The following PAG1 variants were observed in gnomAD, a reference collection of about 807,000 sequenced individuals.
PAG1 encodes the protein phosphoprotein associated with glycosphingolipid-enriched microdomains 1.
In PAG1, 23 loss-of-function variants were observed where a neutral mutation model predicts 31.7. The ratio of observed to expected loss-of-function variants is 0.73; its 90% CI spans 0.52 to 1.03. PAG1 has a LOEUF of 1.03. Among genes scored for constraint, PAG1 ranks in the 50% least tolerant of loss-of-function variants. PAG1 has a pLI of 0.00. For synonymous variants in PAG1, 214 were observed against 210.3 expected, an observed-to-expected ratio of 1.02 and a Z score of -0.15; for missense variants, 473 against 540.7, an observed-to-expected ratio of 0.87 and a Z score of 1.24.
chr8:81,066,264 A>G (rs1472169797), intron 2 of PAG1, among the ~76,000 whole-genome samples: 1 of 152,242 alleles, frequency 6.6e-6, no homozygotes, highest in African/African-American at 2.4e-5. Flanking sequence ...AGCATAGAAA[A>G]CAGAGGAGTA....
At chr8:81,074,227 G>A (rs1377724160) in intron 1 of PAG1, among the ~76,000 whole-genome samples, 1 of 152,210 alleles carries the variant, frequency 6.6e-6, no homozygotes, top group Non-Finnish European at 1.5e-5. Context: ...GCACAGTGAT[G>A]TGTGTTCCTT....
intron 2 of PAG1, among the ~76,000 whole-genome samples, chr8:81,043,364 TAGAGTTCAGTACAATACTTTAAAA>T (rs1283735348): frequency 6.6e-6 from 1 of 152,220 alleles, no homozygotes; most frequent in Admixed American, 6.5e-5. Flanking sequence ...TAAGCACTGT[TAGAGTTCAGTACAATACTTTAAAA>T]AGGTCTGGAA....
At chr8:81,079,931 G>C (rs1013050078) in intron 1 of PAG1, among the ~76,000 whole-genome samples, 8 of 151,784 alleles carry the variant, frequency 5.3e-5, no homozygotes, top group Admixed American at 1.3e-4. Flanking sequence ...CCCATGCCCG[G>C]ATAATTTTTA....
intron 1 of PAG1, among the ~76,000 whole-genome samples, chr8:81,082,847 T>C (rs1463112582): frequency 6.6e-6 from 1 of 152,178 alleles, no homozygotes; most frequent in African/African-American, 2.4e-5. Context: ...ATGATGGCTG[T>C]TTTAAAATCC....
intron 5 of PAG1, among the ~76,000 whole-genome samples, chr8:80,991,244 C>G (rs544458156): frequency 6.6e-6 from 1 of 152,292 alleles, no homozygotes; most frequent in African/African-American, 2.4e-5. Flanking sequence ...GTTATGACAG[C>G]ACTAGCAAAT....
chr8:81,074,874 C>T (rs763811305), intron 1 of PAG1, among the ~76,000 whole-genome samples: 3 of 152,220 alleles, frequency 2.0e-5, no homozygotes, highest in Admixed American at 6.5e-5. Flanking sequence ...CAAACAGCTC[C>T]ACTTTAAGTC....
chr8:80,969,111 C>T lies in PAG1; in HGVS notation c.*7433G>A, dbSNP rs1807023909. On this transcript the variant is annotated 3_prime_UTR_variant, in exon 9 of 9. Coordinates refer to ENST00000220597, the MANE Select transcript of PAG1 (RefSeq NM_018440.4). Reference sequence around the variant, plus strand: ...TGATGCTTTTCACATTGCTTCTCCTCAAGACATGAGCATTGCTGCAGGCAT... The same window carrying T: ...TGATGCTTTTCACATTGCTTCTCCTTAAGACATGAGCATTGCTGCAGGCAT... 2 of 152,222 alleles carry T rather than the reference C, an allele frequency of 1.3e-5. No homozygotes were observed. Among genetic ancestry groups the T allele is most frequent in the South Asian group, 4.1e-4 (2 of 4,836 alleles). 9.4% of individuals were successfully genotyped at this position (152,222 alleles called of 1,614,324 possible).
At position 80,976,557 on chromosome 8, in the gene PAG1, A is replaced by C; in HGVS notation, c.1286T>G (p.Ile429Ser). Residue 429 changes from isoleucine (I) to serine (S), a missense_variant, in exon 9 of 9, where the codon ATT becomes AGT. Transcript: ENST00000220597. ...SISDLQQGRD[I>S]TRL is the part of the protein sequence containing the mutation. ...TCTTCTGGGTTGCTAGAGCCTGGTA[A>C]TATCTCTGCCTTGCTGCAAGTCACT... 1 of 1,611,846 alleles carries C rather than the reference A, an allele frequency of 6.2e-7. No individual in the cohort carries two copies. Among genetic ancestry groups the C allele is most frequent in the Non-Finnish European group, 8.5e-7 (1 of 1,179,260 alleles).
At chr8:80,977,734 C>A (rs1246207057) in intron 8 of PAG1, among the ~76,000 whole-genome samples, 2 of 152,178 alleles carry the variant, frequency 1.3e-5, no homozygotes, top group East Asian at 1.9e-4. Flanking sequence ...TCCAAGCACA[C>A]CCCCACAGTC....
At chr8:81,036,491 A>C (rs1346695876) in intron 2 of PAG1, among the ~76,000 whole-genome samples, 1 of 152,202 alleles carries the variant, frequency 6.6e-6, no homozygotes, top group Non-Finnish European at 1.5e-5. Context: ...GATCAACCTC[A>C]AAGTACAGAT....
intron 1 of PAG1, among the ~76,000 whole-genome samples, chr8:81,106,671 T>C (rs769841871): frequency 3.9e-5 from 6 of 152,194 alleles, no homozygotes; most frequent in African/African-American, 9.7e-5. Context: ...AATTAACTTA[T>C]TGAACAAATA....
intron 3 of PAG1, among the ~76,000 whole-genome samples, chr8:81,011,011 C>T (rs1385940923): frequency 2.0e-5 from 3 of 152,180 alleles, no homozygotes; most frequent in Non-Finnish European, 2.9e-5. Context: ...CTATGACCAA[C>T]CATTCTGAAA....
chr8:81,057,478 C>A (rs1454723270), intron 2 of PAG1, among the ~76,000 whole-genome samples: 6 of 150,642 alleles, frequency 4.0e-5, no homozygotes, highest in Non-Finnish European at 7.4e-5. Flanking sequence ...GGACAAAAAA[C>A]CAAACACCAC....
At chr8:81,029,388 A>C (rs1871766) in intron 3 of PAG1, among the ~76,000 whole-genome samples, 67,859 of 145,796 alleles carry the variant, frequency 0.47, 18,453 homozygotes, top group Non-Finnish European at 0.62. Flanking sequence ...ACACACACAC[A>C]CCCCTCCCCA....
intron 1 of PAG1, among the ~76,000 whole-genome samples, chr8:81,074,991 A>G (rs1043953830): frequency 2.0e-5 from 3 of 152,194 alleles, no homozygotes; most frequent in Non-Finnish European, 4.4e-5. Context: ...AATTTCCCAA[A>G]GAACGCTGCC....
In PAG1 at chr8:81,056,729, TTAAAC is replaced by T. The variant is rs567538848; in HGVS notation, c.-175+13378_-175+13382del. Among the ~76,000 whole-genome samples the T allele has an allele frequency of 5.1e-3, 771 of 152,214 alleles. 7 individuals carry two copies. The highest frequency in any genetic ancestry group is 0.018 in the African/African-American group (737 of 41,504). On this transcript the variant is annotated intron_variant, in intron 2 of 8. Transcript: ENST00000220597. ...GCCAAAATTGACAAATGGGATCTAA[TTAAAC>T]TAAAGAGCTTCTGCAGAGCAAAAGA...
chr8:81,036,725 G>A (rs1808467522), intron 2 of PAG1, among the ~76,000 whole-genome samples: 1 of 152,164 alleles, frequency 6.6e-6, no homozygotes, highest in African/African-American at 2.4e-5. Flanking sequence ...GCTCCCTCAT[G>A]TTTCCTGGGG....
Position 80,969,610 on chromosome 8 carries a change from T to G in PAG1, c.*6934A>C, listed in dbSNP as rs1256582622. 2 of 152,254 alleles carry G rather than the reference T, an allele frequency of 1.3e-5. No homozygotes were observed. Among genetic ancestry groups the G allele is most frequent in the Non-Finnish European group, 2.9e-5 (2 of 68,046 alleles). The allele number at this position is 152,254 out of a possible 1,614,324, so 9.4% of individuals were successfully genotyped here. ...GGGAGCAACTGGTCCTTCTTTTAGC[T>G]TTAACTGTGTCCTATTTAGAGTGCC... On this transcript the variant is annotated 3_prime_UTR_variant, in exon 9 of 9. Coordinates refer to ENST00000220597, the MANE Select transcript of PAG1 (RefSeq NM_018440.4).
chr8:81,042,908 C>G (rs2130842711), intron 2 of PAG1, among the ~76,000 whole-genome samples: 1 of 152,266 alleles, frequency 6.6e-6, no homozygotes, highest in East Asian at 1.9e-4. Flanking sequence ...CTGCAACTGG[C>G]TCTCATCTCA....
Sources: gnomAD v4.1 joint callset for allele counts (sites outside exome capture counted in the v4.1 genomes callset) on GRCh38, gnomAD v4.1.1 for gene constraint, MANE v1.5 for transcripts, NCBI Gene and HGNC (gene_info 2026-07-23, HGNC 2026-07-21) for gene names.